NECTIN1: variants seen among roughly 807,000 people sequenced by gnomAD.
NECTIN1 encodes nectin cell adhesion molecule 1.
Under a neutral mutation model 48.0 loss-of-function variants are expected in NECTIN1, and 23 were observed. The observed-to-expected ratio is 0.48, with a 90% confidence interval of 0.34 to 0.68. NECTIN1 has a LOEUF of 0.68. NECTIN1 is among the 30% of genes least tolerant of loss of function. NECTIN1 has a pLI of 0.01. For missense variants in NECTIN1, 591 were observed against 709.9 expected (o/e 0.83, Z 1.90); for synonymous variants, 270 against 288.9 (o/e 0.93, Z 0.66).
intron 1 of NECTIN1, among the ~76,000 whole-genome samples, chr11:119,703,243 G>A: frequency 6.6e-6 from 1 of 152,268 alleles, no homozygotes; most frequent in Non-Finnish European, 1.5e-5. Context: ...AAATGCTCCT[G>A]GCAGAGGATC....
At chr11:119,707,335 G>T (rs921974319) in intron 1 of NECTIN1, among the ~76,000 whole-genome samples, 5 of 152,074 alleles carry the variant, frequency 3.3e-5, no homozygotes, top group Non-Finnish European at 7.4e-5. Flanking sequence ...TTGCACAAGC[G>T]GTTCTGTCTG....
chr11:119,651,461 C>T (rs1245249608), intron 5 of NECTIN1, among the ~76,000 whole-genome samples: 2 of 152,132 alleles, frequency 1.3e-5, no homozygotes, highest in East Asian at 1.9e-4. Flanking sequence ...ACCCCATACT[C>T]CTTAAGTGGG....
intron 1 of NECTIN1, among the ~76,000 whole-genome samples, chr11:119,711,083 CA>C (rs774249055): frequency 2.9e-5 from 3 of 102,458 alleles, no homozygotes; most frequent in Non-Finnish European, 5.7e-5. Context: ...AAACCAAAAA[CA>C]GAAAGAAAGG....
rs747655907 is a variant in NECTIN1 at position 119,664,875 on chromosome 11, C to T, written c.1426G>A (p.Ala476Thr). The T allele has an allele frequency of 2.5e-6, 4 of 1,613,930 alleles. No homozygotes were observed. The highest frequency in any genetic ancestry group is 1.7e-5 in the Admixed American group (1 of 59,990). Residue 476 changes from alanine (A) to threonine (T), a missense_variant, in exon 6 of 6, where the codon GCC becomes ACC. Physicochemically the swap from Ala to Thr is moderately conservative, Grantham distance 58. Coordinates refer to ENST00000264025, the MANE Select transcript of NECTIN1 (RefSeq NM_002855.5). ...RPYFTVDEAE[A>T]RQDGYGDRTL... ...CGGTCCCCGTAGCCGTCCTGACGGGCCTCGGCCTCATCCACGGTGAAGTAG... is the reference window on the plus strand; with the variant it reads ...CGGTCCCCGTAGCCGTCCTGACGGGTCTCGGCCTCATCCACGGTGAAGTAG...
At chr11:119,674,803 C>T (rs576693571) in intron 5 of NECTIN1, among the ~76,000 whole-genome samples, 1 of 152,304 alleles carries the variant, frequency 6.6e-6, no homozygotes, top group African/African-American at 2.4e-5. Context: ...AGATGAGCTC[C>T]ACCTGCAAAC....
intron 1 of NECTIN1, among the ~76,000 whole-genome samples, chr11:119,686,453 GCTCCACC>G (rs1226433864): frequency 6.6e-6 from 1 of 152,098 alleles, no homozygotes; most frequent in East Asian, 1.9e-4. Context: ...CCTGCCTCCA[GCTCCACC>G]CTGAAACTCC....
At chr11:119,725,023 C>T (rs1004254938) in intron 1 of NECTIN1, among the ~76,000 whole-genome samples, 1 of 152,130 alleles carries the variant, frequency 6.6e-6, no homozygotes, top group Non-Finnish European at 1.5e-5. Context: ...ACCAGGTTAA[C>T]CAGGAAGAGA....
chr11:119,708,978 G>A lies in NECTIN1; in HGVS notation c.79+19497C>T, dbSNP rs374397186. 4.1e-4 allele frequency among the ~76,000 whole-genome samples: 62 copies of A among 152,112 alleles called. 1 individual carries two copies. In the East Asian group the frequency reaches 0.011, roughly 28 times the overall value. ...AGACTCAGCTTCCCTCCTCAGGACT[G>A]CCCAGGACTGATTCTGCCCAGGACT... On this transcript the variant is annotated intron_variant, in intron 1 of 5. Transcript: ENST00000264025.
rs753417764 is a variant in NECTIN1, at chr11:119,677,643, G to T, written c.645C>A (p.Pro215=). 6.2e-7 allele frequency: 1 copy of T among 1,614,004 alleles called. No homozygotes were observed. The change falls in exon 3 of 6, where the codon CCC becomes CCA. Residue 215 remains proline (P), a synonymous_variant. Coordinates refer to ENST00000264025, the MANE Select transcript of NECTIN1 (RefSeq NM_002855.5). The surrounding 1 kb of genome is among the most constrained non-coding windows in gnomAD (Gnocchi z 5.4). The part of the protein sequence containing the change: ...VTVISRYRLV[P]SREAHQQSLA... ...AGGACTGCTGGTGGGCTTCCCTGCT[G>T]GGCACCAGGCGGTAGCGGCTGATGA...
rs377009826 is a variant in NECTIN1, at chr11:119,725,860, T to G, written c.79+2615A>C. 1.0e-3 allele frequency among the ~76,000 whole-genome samples: 159 copies of G among 152,220 alleles called. 1 individual carries two copies. Among genetic ancestry groups the G allele is most frequent in the African/African-American group, 3.5e-3 (147 of 41,546 alleles). ...AGGTGGGACAACAGCTCGACACACCTGCTTCTCAAGCAGGTCCTCTGCCTC... is the reference window on the plus strand; with the variant it reads ...AGGTGGGACAACAGCTCGACACACCGGCTTCTCAAGCAGGTCCTCTGCCTC... On this transcript the variant is annotated intron_variant, in intron 1 of 5. Transcript: ENST00000264025.
intron 4 of NECTIN1, 170 bp downstream of exon 4, chr11:119,676,932 A>T: frequency 1.5e-6 from 1 of 676,186 alleles, no homozygotes. Context: ...CGTAATGTAT[A>T]TGTGTGTGTT....
intron 5 of NECTIN1, among the ~76,000 whole-genome samples, chr11:119,647,143 G>A (rs1440376458): frequency 6.7e-6 from 1 of 148,770 alleles, no homozygotes; most frequent in African/African-American, 2.5e-5. Flanking sequence ...CAAGATGAGG[G>A]GCCAGAGCTT....
chr11:119,657,739 A>AAATAATAATAATAAT (rs57059976), downstream of NECTIN1, among the ~76,000 whole-genome samples: 273 of 128,272 alleles, frequency 2.1e-3, 1 homozygote, highest in African/African-American at 4.8e-3. Flanking sequence ...TGTCTCTATA[A>AAATAATAATAATAAT]AATAATAATA....
chr11:119,669,151 C>T (rs950959857), intron 5 of NECTIN1, among the ~76,000 whole-genome samples: 2 of 152,216 alleles, frequency 1.3e-5, no homozygotes, highest in Non-Finnish European at 2.9e-5. Context: ...GTGGCTCATG[C>T]CTGTAATCCC....
chr11:119,638,133 C>A, exon 8 of NECTIN1: 1 of 1,613,692 alleles, frequency 6.2e-7, no homozygotes, highest in East Asian at 2.2e-5. Flanking sequence ...GTTGTCCTTA[C>A]CGAGGGGTGG....
chr11:119,650,221 G>A (rs926321716), intron 5 of NECTIN1, among the ~76,000 whole-genome samples: 1 of 152,164 alleles, frequency 6.6e-6, no homozygotes, highest in East Asian at 1.9e-4. Flanking sequence ...AATGTCATCA[G>A]TTAAGGCAGG....
intron 1 of NECTIN1, among the ~76,000 whole-genome samples, chr11:119,713,423 T>A (rs888520862): frequency 6.6e-6 from 1 of 152,060 alleles, no homozygotes; most frequent in Non-Finnish European, 1.5e-5. Context: ...AGTCACTAAT[T>A]ATTAACCAGT....
rs1407703235 is a variant in NECTIN1, at chr11:119,663,038, G to A, written c.*1709C>T. 3 of 985,170 alleles carry A rather than the reference G, an allele frequency of 3.0e-6. No individual in the cohort carries two copies. Among genetic ancestry groups the A allele is most frequent in the Non-Finnish European group, 3.6e-6 (3 of 829,816 alleles). The allele number at this position is 985,170 out of a possible 1,614,324, so 61.0% of individuals were successfully genotyped here. A position where few individuals can be genotyped will look rare whatever the true frequency, so the allele number is the denominator to read the frequency against. On this transcript the variant is annotated 3_prime_UTR_variant, in exon 6 of 6. Transcript: ENST00000264025. ...ACCAGGGAGGGGAGGGGAGGGGTTG[G>A]GGGGCTCCCTTAGGAAGCCTATGGC...
At chr11:119,711,017 T>A (rs1258465935) in intron 1 of NECTIN1, among the ~76,000 whole-genome samples, 1 of 148,284 alleles carries the variant, frequency 6.7e-6, no homozygotes, top group Non-Finnish European at 1.5e-5. Context: ...AAGGAAAGCA[T>A]CAGAAGTTTT....
Sources: allele counts gnomAD v4.1 joint callset (sites outside exome capture counted in the v4.1 genomes callset), GRCh38; gene constraint gnomAD v4.1.1; non-coding constraint Gnocchi (gnomAD v3.1); transcripts MANE v1.5; gene names NCBI Gene and HGNC (gene_info 2026-07-23, HGNC 2026-07-21).